The following CPB2 variants were observed in gnomAD, a reference collection of about 807,000 sequenced individuals.
CPB2 encodes carboxypeptidase B-like protein.
Under a neutral mutation model 57.0 loss-of-function variants are expected in CPB2, and 54 were observed. The observed-to-expected ratio is 0.95, with a 90% CI of 0.76 to 1.19. The LOEUF (loss-of-function observed/expected upper bound fraction) is 1.19, where lower values mean the gene tolerates loss of function less well. Ranked by LOEUF, CPB2 falls within the 50% of genes most tolerant of loss-of-function variation. CPB2 has a pLI of 0.00. For missense variants in CPB2, 426 were observed against 512.0 expected (o/e 0.83, Z 1.62); for synonymous variants, 189 against 178.1 (o/e 1.06, Z -0.49).
chr13:46,073,721 A>C (rs572466455), intron 6 of CPB2, 152 bp downstream of exon 6: 123 of 508,692 alleles, frequency 2.4e-4, no homozygotes, highest in Non-Finnish European at 3.7e-4. Context: ...AATGCATAAA[A>C]GTCACCTGGG....
chr13:46,078,745 G>T, intron 5 of CPB2, 55 bp downstream of exon 5: 1 of 1,138,082 alleles, frequency 8.8e-7, no homozygotes, highest in Non-Finnish European at 1.3e-6. Flanking sequence ...AACACGACTG[G>T]AGAATTAATC....
Position 46,073,946 on chromosome 13 carries a change from G to A in CPB2, c.518C>T (p.Ala173Val). The change falls in exon 6 of 11, where the codon GCC (alanine) becomes GTC (valine). Residue 173 changes from alanine to valine, a missense_variant. Coordinates refer to ENST00000181383, the MANE Select transcript of CPB2 (RefSeq NM_001872.5). ...VSGKEQAAKN[A>V]IWIDCGIHAR... ...ATGGATTCCACAGTCAATCCATATG[G>A]CATTTTTGGCTGCTTGTTCTTTTCC... The A allele has an allele frequency of 6.3e-7, 1 of 1,588,492 alleles. No homozygotes were observed.
At chr13:46,080,462 A>G (rs891450301) in intron 4 of CPB2, among the ~76,000 whole-genome samples, 3 of 152,228 alleles carry the variant, frequency 2.0e-5, no homozygotes, top group Non-Finnish European at 4.4e-5. Context: ...ATAGTTAAGG[A>G]GTAGATGTTG....
intron 10 of CPB2, among the ~76,000 whole-genome samples, chr13:46,055,056 T>C (rs914667248): frequency 2.8e-5 from 4 of 142,474 alleles, no homozygotes; most frequent in Non-Finnish European, 6.0e-5. Flanking sequence ...TGGCCTCTTT[T>C]TGTTTTTTTC....
intron 1 of CPB2, chr13:46,100,558 T>G (rs941809033): frequency 1.3e-5 from 2 of 152,122 alleles, no homozygotes; most frequent in Non-Finnish European, 2.9e-5. Flanking sequence ...CGGGGTGCAC[T>G]CCCCTTACCT....
chr13:46,102,592 G>GTTTT (rs11328126), intron 1 of CPB2, among the ~76,000 whole-genome samples: 2 of 116,300 alleles, frequency 1.7e-5, no homozygotes, highest in South Asian at 2.5e-4. Flanking sequence ...CAGACTGTTA[G>GTTTT]TTTTTTTTTT....
chr13:46,054,942 G>C (rs1315228284), intron 10 of CPB2, among the ~76,000 whole-genome samples: 1 of 151,458 alleles, frequency 6.6e-6, no homozygotes, highest in Non-Finnish European at 1.5e-5. Context: ...GTAGAGACAG[G>C]GTTTCACCAT....
At chr13:46,093,053 C>T (rs1289819600) in intron 1 of CPB2, among the ~76,000 whole-genome samples, 1 of 152,128 alleles carries the variant, frequency 6.6e-6, no homozygotes, top group East Asian at 1.9e-4. Flanking sequence ...GCTGGGATTA[C>T]AGGCGTGCAC....
Position 46,084,284 on chromosome 13 carries a change from A to G in CPB2, c.210T>C (p.Phe70=), listed in dbSNP as rs959894432. ...TGTCGACATCAGATGCATTTACAAA[A>G]AAATGGACTTGTTTTTTCTTCACAA... is the stretch of plus-strand genomic sequence containing the variant. ...DLIVKKKQVH[F]FVNASDVDNV... The change falls in exon 3 of 11, where the codon TTT becomes TTC. Residue 70 remains phenylalanine, a synonymous_variant. Transcript: ENST00000181383. 2 of 1,614,094 alleles carry G rather than the reference A, an allele frequency of 1.2e-6. No homozygotes were observed. Among genetic ancestry groups the G allele is most frequent in the African/African-American group, 1.3e-5 (1 of 74,946 alleles).
Position 46,060,238 on chromosome 13 carries a change from G to A in CPB2, c.797-1857C>T, listed in dbSNP as rs188412587. ...AGCACTTTGGGAGGCTGAGGCAGGC[G>A]GATCACTTGAGATCAGGAGTTCGAC... On this transcript the variant is annotated intron_variant, in intron 8 of 10. Coordinates refer to ENST00000181383, the MANE Select transcript of CPB2 (RefSeq NM_001872.5). Among the ~76,000 whole-genome samples the A allele has an allele frequency of 9.9e-5, 15 of 152,198 alleles. No individual in the cohort carries two copies. The East Asian group carries it at 1.7e-3, about 18-fold the overall frequency.
chr13:46,053,573 G>A lies in CPB2; in HGVS notation c.*41C>T. 4.4e-6 allele frequency: 7 copies of A among 1,590,968 alleles called. No homozygotes were observed. The highest frequency in any genetic ancestry group is 6.0e-6 in the Non-Finnish European group (7 of 1,165,506). The stretch of plus-strand genomic sequence containing the variant: ...CAATGATTTGGTCTTGCTGGAATCA[G>A]TAAATTAAAATACGGAAGCAGAATG... On this transcript the variant is annotated 3_prime_UTR_variant, in exon 11 of 11. Coordinates refer to ENST00000181383, the MANE Select transcript of CPB2 (RefSeq NM_001872.5).
In CPB2 at chr13:46,073,447, C is replaced by G. The variant is rs113971239; in HGVS notation, c.591+426G>C. ...TATGAGAAAACATATTCTGTTTCAC[C>G]TCTGTAATGTTGTGCTTTATGTTCA... is the stretch of plus-strand genomic sequence containing the variant. On this transcript the variant is annotated intron_variant, in intron 6 of 10. Coordinates refer to ENST00000181383, the MANE Select transcript of CPB2 (RefSeq NM_001872.5). 1.6e-5 allele frequency: 16 copies of G among 975,252 alleles called. No homozygotes were observed. The Admixed American group carries it at 9.3e-4, about 57-fold the overall frequency. 60.4% of individuals were successfully genotyped at this position (975,252 alleles called of 1,614,324 possible). A position where few individuals can be genotyped will look rare whatever the true frequency, so the allele number is the denominator to read the frequency against.
chr13:46,074,458 C>G (rs548028596), intron 5 of CPB2, among the ~76,000 whole-genome samples: 2 of 152,126 alleles, frequency 1.3e-5, no homozygotes, highest in South Asian at 4.1e-4. Context: ...CTTTATTTCA[C>G]ACAAAAAGAA....
chr13:46,086,526 A>C (rs1010059548), intron 2 of CPB2, among the ~76,000 whole-genome samples: 1 of 152,108 alleles, frequency 6.6e-6, no homozygotes, highest in Non-Finnish European at 1.5e-5. Flanking sequence ...AGTCTGGCTG[A>C]ATCCGGGGGA....
intron 4 of CPB2, among the ~76,000 whole-genome samples, chr13:46,080,964 T>C (rs2045105120): frequency 9.2e-6 from 1 of 108,444 alleles, no homozygotes; most frequent in African/African-American, 4.0e-5. Context: ...AGAGAGAAAC[T>C]CTGTCTCAAA....
intron 2 of CPB2, among the ~76,000 whole-genome samples, chr13:46,085,023 T>C (rs2045180770): frequency 2.0e-5 from 3 of 151,900 alleles, no homozygotes; most frequent in Non-Finnish European, 2.9e-5. Flanking sequence ...GCTAATTTTT[T>C]GTATTTTTAG....
chr13:46,092,577 G>A (rs574184810), intron 1 of CPB2, among the ~76,000 whole-genome samples: 1 of 152,300 alleles, frequency 6.6e-6, no homozygotes, highest in East Asian at 1.9e-4. Flanking sequence ...ACTTCTGTTT[G>A]TCATTATTAG....
chr13:46,059,821 T>G (rs2044747063), intron 8 of CPB2, among the ~76,000 whole-genome samples: 1 of 152,226 alleles, frequency 6.6e-6, no homozygotes, highest in Non-Finnish European at 1.5e-5. Context: ...CTCATTCTGC[T>G]TTATTCCTGT....
intron 6 of CPB2, among the ~76,000 whole-genome samples, chr13:46,073,125 T>G (rs2044968064): frequency 1.3e-5 from 2 of 152,234 alleles, no homozygotes; most frequent in Non-Finnish European, 2.9e-5. Flanking sequence ...AATATCTTAA[T>G]TTCCTAACTC....
Sources: gnomAD v4.1 joint callset for allele counts (sites outside exome capture counted in the v4.1 genomes callset) on GRCh38, gnomAD v4.1.1 for gene constraint, MANE v1.5 for transcripts, NCBI Gene and HGNC (gene_info 2026-07-23, HGNC 2026-07-21) for gene names.